MFSD1: variants seen among roughly 807,000 people sequenced by gnomAD.
MFSD1 encodes major facilitator superfamily domain containing 1.
In MFSD1, 59 loss-of-function variants were observed where a neutral mutation model predicts 67.1. The ratio of observed to expected loss-of-function variants is 0.88; its 90% CI spans 0.71 to 1.09. The LOEUF is 1.09. Ranked by LOEUF, MFSD1 falls within the 50% of genes least tolerant of loss-of-function variation. The pLI, the probability that MFSD1 is intolerant of heterozygous loss-of-function variation, is 0.00. For missense variants in MFSD1, 552 were observed against 566.1 expected, an observed-to-expected ratio of 0.97 and a Z score of 0.25; for synonymous variants, 213 against 200.3, an observed-to-expected ratio of 1.06 and a Z score of -0.54.
chr3:158,813,432 C>T lies in MFSD1; in HGVS notation c.550-533C>T, dbSNP rs112553607. 2.4e-4 allele frequency among the ~76,000 whole-genome samples: 36 copies of T among 152,326 alleles called. 3 individuals carry two copies. Among genetic ancestry groups the T allele is most frequent in the African/African-American group, 7.9e-4 (33 of 41,572 alleles). On this transcript the variant is annotated intron_variant, in intron 6 of 15. Coordinates refer to ENST00000415822, the MANE Select transcript of MFSD1 (RefSeq NM_022736.4). ...ATATGCTGGGATTACAGGCATGAGCCACTGTGCCTGGCCACTTTATTCTTT... is the reference window on the plus strand; with the variant it reads ...ATATGCTGGGATTACAGGCATGAGCTACTGTGCCTGGCCACTTTATTCTTT...
At chr3:158,818,839 G>C (rs1730515551) in intron 7 of MFSD1, among the ~76,000 whole-genome samples, 3 of 152,086 alleles carry the variant, frequency 2.0e-5, no homozygotes, top group Admixed American at 1.3e-4. Context: ...AAGACTTTTA[G>C]AGCCAGAAAA....
rs1354468720 is a variant in MFSD1, at chr3:158,829,114, A to G, written c.*132A>G. ...GAAAGTTATATTTATATCCAAATAT[A>G]CCTATTTCAAAGTGTATTTGTGAGG... On this transcript the variant is annotated 3_prime_UTR_variant, in exon 16 of 16. Transcript: ENST00000415822. 1.8e-5 allele frequency: 14 copies of G among 761,324 alleles called. No homozygotes were observed. Among genetic ancestry groups the G allele is most frequent in the Non-Finnish European group, 2.6e-5 (13 of 499,008 alleles). The allele number at this position is 761,324 out of a possible 1,614,324, so 47.2% of individuals were successfully genotyped here. A position where few individuals can be genotyped will look rare whatever the true frequency, so the allele number is the denominator to read the frequency against.
At chr3:158,804,201 A>G (rs1729601089) in intron 1 of MFSD1, 118 bp from the exon 2 acceptor site, 3 of 626,432 alleles carry the variant, frequency 4.8e-6, no homozygotes, top group Non-Finnish European at 8.1e-6. Flanking sequence ...GTTCAGAAAT[A>G]TTTCTGTAGT....
Position 158,809,098 on chromosome 3 carries a change from A to T in MFSD1, c.441-81A>T, listed in dbSNP as rs146970642. On this transcript the variant is annotated intron_variant, in intron 5 of 15. Coordinates refer to ENST00000415822, the MANE Select transcript of MFSD1 (RefSeq NM_022736.4). Reference sequence around the variant, plus strand: ...ATCTCTTGATAGGAGAAGTGCCAACATTTTAAACCTGCTGCATTGCTAACT... The same window carrying T: ...ATCTCTTGATAGGAGAAGTGCCAACTTTTTAAACCTGCTGCATTGCTAACT... The T allele has an allele frequency of 1.5e-4, 166 of 1,094,922 alleles. No homozygotes were observed. In the African/African-American group the frequency reaches 2.3e-3, roughly 15 times the overall value. The allele number at this position is 1,094,922 out of a possible 1,614,324, so 67.8% of individuals were successfully genotyped here. A position where few individuals can be genotyped will look rare whatever the true frequency, so the allele number is the denominator to read the frequency against.
rs759296345 is a variant in MFSD1 at position 158,819,722 on chromosome 3, C to G, written c.726C>G (p.Ile242Met). ...LAYLDQRAER[I>M]LHKEQGKTGE... ...ACTTGGATCAGAGAGCAGAGAGAATCCTTCATAAAGAACAAGGAAAAACAG... is the reference window on the plus strand; with the variant it reads ...ACTTGGATCAGAGAGCAGAGAGAATGCTTCATAAAGAACAAGGAAAAACAG... The change falls in exon 8 of 16, where the codon ATC becomes ATG. Residue 242 changes from isoleucine (I) to methionine (M), a missense_variant. Transcript: ENST00000415822. 6.2e-7 allele frequency: 1 copy of G among 1,607,746 alleles called. No individual in the cohort carries two copies. Among genetic ancestry groups the G allele is most frequent in the South Asian group, 1.1e-5 (1 of 90,602 alleles).
At chr3:158,822,424 A>G (rs756563886) in intron 11 of MFSD1, 1 of 196,276 alleles carries the variant, frequency 5.1e-6, no homozygotes, top group Non-Finnish European at 1.0e-5. Context: ...AATGCTTATT[A>G]GTCCCATTTG....
At chr3:158,827,423 T>TTG (rs1307742880) in intron 15 of MFSD1, 86 bp downstream of exon 15, 1 of 608,612 alleles carries the variant, frequency 1.6e-6, no homozygotes, top group Non-Finnish European at 2.6e-6. Flanking sequence ...CTTTGAAGTT[T>TTG]TTTTTTTTTT....
intron 2 of MFSD1, 71 bp downstream of exon 2, chr3:158,804,442 C>G: frequency 8.3e-7 from 1 of 1,207,456 alleles, no homozygotes; most frequent in Non-Finnish European, 1.2e-6. Flanking sequence ...GCATTATCAA[C>G]CCTCAGGTGC....
chr3:158,802,283 T>C lies in MFSD1; in HGVS notation c.131T>C (p.Leu44Ser). The C allele has an allele frequency of 6.2e-7, 1 of 1,611,584 alleles. No homozygotes were observed. Among genetic ancestry groups the C allele is most frequent in the Non-Finnish European group, 8.5e-7 (1 of 1,178,632 alleles). ...CCCAGTCGCCTGGCGCACCGGCTTT[T>C]GGTGCTGTTACTGATGTGCTTCCTT... ...CDPSRLAHRL[L>S]VLLLMCFLGF... Residue 44 changes from leucine (L) to serine (S), a missense_variant, in exon 1 of 16, where the codon TTG (leucine) becomes TCG (serine). By Grantham distance (145) the Leu-to-Ser change is moderately radical. Coordinates refer to ENST00000415822, the MANE Select transcript of MFSD1 (RefSeq NM_022736.4).
Position 158,807,098 on chromosome 3 carries a change from A to G in MFSD1, c.372+16A>G. 1 of 1,604,162 alleles carries G rather than the reference A, an allele frequency of 6.2e-7. No individual in the cohort carries two copies. The highest frequency in any genetic ancestry group is 8.5e-7 in the Non-Finnish European group (1 of 1,172,340). ...CATTGGACAGGTAAGGAAGGCCAAA[A>G]CATTCATTGATTATTGACAGTGACT... On this transcript the variant is annotated intron_variant, in intron 4 of 15. Transcript: ENST00000415822.
rs186990618 is a variant in MFSD1, at chr3:158,806,953, T to C, written c.330-87T>C. On this transcript the variant is annotated intron_variant, in intron 3 of 15. Transcript: ENST00000415822. ...AAAGTGAATTATTACTAAAGGACTT[T>C]GTGATTACTAATACTAATGTAAACA... 8.1e-4 allele frequency: 921 copies of C among 1,130,944 alleles called. 7 individuals are homozygous for C. The African/African-American group carries it at 0.014, about 17-fold the overall frequency. The allele number at this position is 1,130,944 out of a possible 1,614,324, so 70.1% of individuals were successfully genotyped here.
At position 158,815,760 on chromosome 3, in the gene MFSD1, G is replaced by A. The variant is rs375003495; in HGVS notation, c.652+1693G>A. On this transcript the variant is annotated intron_variant, in intron 7 of 15. Transcript: ENST00000415822. ...GCTGGTGTGCTGCACCCATTAACTC[G>A]TCATTTAGCATTAGGTATATCTCCT... Among the ~76,000 whole-genome samples the A allele has an allele frequency of 1.2e-3, 185 of 150,926 alleles. 1 individual carries two copies. In the East Asian group the frequency reaches 0.021, roughly 17 times the overall value.
rs929119920 is a variant in MFSD1, at chr3:158,818,575, T to A, written c.653-1074T>A. On this transcript the variant is annotated intron_variant, in intron 7 of 15. Coordinates refer to ENST00000415822, the MANE Select transcript of MFSD1 (RefSeq NM_022736.4). ...CACTACTTCTATAAGATCAGGTTTT[T>A]AAAATATATATATATATTTTATTCC... Among the ~76,000 whole-genome samples, 11 of 151,620 alleles carry A rather than the reference T, an allele frequency of 7.3e-5. No individual in the cohort carries two copies. The East Asian group carries it at 2.1e-3, about 29-fold the overall frequency.
intron 12 of MFSD1, 35 bp downstream of exon 12, chr3:158,823,560 C>A: frequency 7.4e-7 from 1 of 1,349,174 alleles, no homozygotes; most frequent in Non-Finnish European, 1.1e-6. Context: ...ATATGTCTGT[C>A]TCTGCTATGT....
At chr3:158,820,189 A>C in intron 8 of MFSD1, 26 bp from the exon 9 acceptor site, 1 of 1,321,954 alleles carries the variant, frequency 7.6e-7, no homozygotes, top group East Asian at 2.3e-5. Flanking sequence ...AATTATGCTG[A>C]TAGTGTCTTC....
At chr3:158,802,401 C>A in intron 1 of MFSD1, 86 bp downstream of exon 1, 1 of 1,470,772 alleles carries the variant, frequency 6.8e-7, no homozygotes, top group Non-Finnish European at 9.5e-7. Flanking sequence ...GTCACTGGTG[C>A]CACGGGGCCT....
At chr3:158,825,786 T>A (rs903214645) in intron 13 of MFSD1, among the ~76,000 whole-genome samples, 1 of 152,198 alleles carries the variant, frequency 6.6e-6, no homozygotes, top group Non-Finnish European at 1.5e-5. Flanking sequence ...GGGCCTCAAC[T>A]TCTTTGTTTC....
At chr3:158,804,458 T>G (rs928084835) in intron 2 of MFSD1, 87 bp downstream of exon 2, 7 of 991,672 alleles carry the variant, frequency 7.1e-6, no homozygotes, top group Middle Eastern at 3.1e-4. Flanking sequence ...GGTGCCCTAG[T>G]CTCACGTGTC....
intron 7 of MFSD1, among the ~76,000 whole-genome samples, chr3:158,817,828 C>T (rs1039259642): frequency 3.9e-5 from 6 of 152,210 alleles, no homozygotes; most frequent in Non-Finnish European, 7.3e-5. Flanking sequence ...CTGGAGGCAT[C>T]ACGCTACCTG....
Sources: allele counts gnomAD v4.1 joint callset (sites outside exome capture counted in the v4.1 genomes callset), GRCh38; gene constraint gnomAD v4.1.1; transcripts MANE v1.5; gene names NCBI Gene and HGNC (gene_info 2026-07-23, HGNC 2026-07-21).